Variants in IQSEC3 observed in about 807,000 individuals in gnomAD.
IQSEC3 encodes the protein IQ motif and SEC7 domain-containing protein 3.
Under a neutral mutation model 105.4 loss-of-function variants are expected in IQSEC3, and 50 were observed. The ratio of observed to expected loss-of-function variants is 0.47; its 90% CI spans 0.38 to 0.60. The LOEUF (loss-of-function observed/expected upper bound fraction) is 0.60. Among genes scored for constraint, IQSEC3 ranks in the 20% least tolerant of loss-of-function variants. IQSEC3 has a pLI of 0.00. For synonymous variants in IQSEC3, 708 were observed against 746.0 expected, an observed-to-expected ratio of 0.95 and a Z score of 0.83; for missense variants, 1,415 against 1,630.0, an observed-to-expected ratio of 0.87 and a Z score of 2.27.
In IQSEC3 at chr12:110,630, C is replaced by T. The variant is rs868934554; in HGVS notation, c.623+11416C>T. Among the ~76,000 whole-genome samples the T allele has an allele frequency of 1.6e-4, 25 of 152,130 alleles. 1 individual carries two copies. Among genetic ancestry groups the T allele is most frequent in the Middle Eastern group, 6.8e-3 (2 of 294 alleles). ...GGTCTCTCCCAAATGGTCATGGCTG[C>T]CCTTATAATCATTCCCCTCTCTTCC... is the stretch of plus-strand genomic sequence containing the variant. On this transcript the variant is annotated intron_variant, in intron 2 of 13. Coordinates refer to ENST00000538872, the MANE Select transcript of IQSEC3 (RefSeq NM_001170738.2).
chr12:74,693 T>C lies in IQSEC3; in HGVS notation c.554+7257T>C, dbSNP rs532829694. On this transcript the variant is annotated intron_variant, in intron 1 of 13. Transcript: ENST00000538872. ...CAGACCATTCCCTCTAAGCCACAGCTTCAGGGGCTAGAGGCTTTTAGGAGC... is the reference window on the plus strand; with the variant it reads ...CAGACCATTCCCTCTAAGCCACAGCCTCAGGGGCTAGAGGCTTTTAGGAGC... Among the ~76,000 whole-genome samples the C allele has an allele frequency of 3.4e-4, 52 of 152,368 alleles. No homozygotes were observed. In the South Asian group the frequency reaches 7.2e-3, roughly 21 times the overall value.
At chr12:96,364 T>C (rs1864242921) in intron 1 of IQSEC3, among the ~76,000 whole-genome samples, 1 of 152,174 alleles carries the variant, frequency 6.6e-6, no homozygotes, top group Non-Finnish European at 1.5e-5. Flanking sequence ...AGAGAATAGA[T>C]TATAAGTTTT....
chr12:100,274 G>T (rs1188625367), intron 2 of IQSEC3, among the ~76,000 whole-genome samples: 1 of 152,170 alleles, frequency 6.6e-6, no homozygotes. Flanking sequence ...GGAGAGTAAG[G>T]GTCGGAGGAC....
rs368642069 is a variant in IQSEC3 at position 138,509 on chromosome 12, G to A, written c.1146G>A (p.Val382=). ...EGYGLVGLPL[V]RSPSLPPTFA... is the part of the protein sequence containing the mutation. ...ACGGCCTCGTGGGGCTGCCGCTGGT[G>A]CGCTCGCCCTCCCTGCCGCCCACCT... is the stretch of plus-strand genomic sequence containing the variant. The change falls in exon 4 of 14, where the codon GTG becomes GTA. Residue 382 remains valine (V), a synonymous_variant. Transcript: ENST00000538872. The surrounding 1 kb of genome is among the most constrained non-coding windows in gnomAD (Gnocchi z 7.1). 4.4e-6 allele frequency: 7 copies of A among 1,583,016 alleles called. No individual in the cohort carries two copies. The highest frequency in any genetic ancestry group is 6.0e-6 in the Non-Finnish European group (7 of 1,170,998).
At chr12:173,605 G>A (rs982976251) in intron 13 of IQSEC3, among the ~76,000 whole-genome samples, 1 of 152,208 alleles carries the variant, frequency 6.6e-6, no homozygotes, top group African/African-American at 2.4e-5. Context: ...GAGGACAGAT[G>A]TCAGCCCAAT....
At chr12:128,222 C>T (rs954778768) in intron 3 of IQSEC3, among the ~76,000 whole-genome samples, 4 of 152,194 alleles carry the variant, frequency 2.6e-5, no homozygotes, top group African/African-American at 9.7e-5. Context: ...GTCCCCGTCA[C>T]AGCCCTTCAG....
rs2137041007 is a variant in IQSEC3, at chr12:157,654, C to T, written c.2403C>T (p.Asp801=). ...TGTACAGCCCCAACATCAAGCCTGA[C>T]CGGAAGATGATGCTGGAGGACTTCA... ...TDMYSPNIKP[D]RKMMLEDFIR... is the part of the protein sequence containing the mutation. Residue 801 remains aspartate (D), a synonymous_variant, in exon 7 of 14, where the codon GAC becomes GAT. Coordinates refer to ENST00000538872, the MANE Select transcript of IQSEC3 (RefSeq NM_001170738.2). 2 of 1,613,994 alleles carry T rather than the reference C, an allele frequency of 1.2e-6. No homozygotes were observed. Among genetic ancestry groups the T allele is most frequent in the Non-Finnish European group, 8.5e-7 (1 of 1,179,956 alleles).
At chr12:144,442 A>G (rs1458196596) in intron 5 of IQSEC3, 1 of 152,202 alleles carries the variant, frequency 6.6e-6, no homozygotes, top group Admixed American at 6.5e-5. Context: ...ATAAAAGGAT[A>G]TAAATCACCC....
Position 157,581 on chromosome 12 carries a change from A to T in IQSEC3, c.2330A>T (p.Asp777Val). The T allele has an allele frequency of 6.2e-6, 10 of 1,614,134 alleles. No homozygotes were observed. Among genetic ancestry groups the T allele is most frequent in the Non-Finnish European group, 8.5e-6 (10 of 1,180,006 alleles). The part of the protein sequence containing the change: ...PEVVQQFHNP[D>V]TIFILAFAII... ...GTGGTTCAGCAGTTCCACAACCCCG[A>T]CACCATCTTCATCCTCGCCTTCGCC... Residue 777 changes from aspartate to valine, a missense_variant, in exon 7 of 14, where the codon GAC (aspartate) becomes GTC (valine). Physicochemically the swap from Asp to Val is radical, Grantham distance 152 (BLOSUM62 -3). Transcript: ENST00000538872.
chr12:168,900 A>T, intron 11 of IQSEC3, 113 bp from the exon 12 acceptor site: 1 of 874,918 alleles, frequency 1.1e-6, no homozygotes. Flanking sequence ...CACAGCATGT[A>T]CTGGGACCTC....
At chr12:157,466 G>C (rs1329149423) in intron 6 of IQSEC3, 62 bp from the exon 7 acceptor site, 2 of 1,495,328 alleles carry the variant, frequency 1.3e-6, no homozygotes, top group East Asian at 4.8e-5. Flanking sequence ...CCCTTCCTTT[G>C]TTGGGCCCGG....
Position 174,892 on chromosome 12 carries a change from T to C in IQSEC3, c.3408T>C (p.Gly1136=), listed in dbSNP as rs216230. ...CCTGCGGCTCCACACCCCTGGGCGG[T>C]CCCGGCTCTCCGGTCAAGGTCACCC... ...SDSCGSTPLG[G]PGSPVKVTHQ... Residue 1136 remains glycine (G), a synonymous_variant, in exon 14 of 14, where the codon GGT becomes GGC. Coordinates refer to ENST00000538872, the MANE Select transcript of IQSEC3 (RefSeq NM_001170738.2). The C allele has an allele frequency of 0.95, 1,493,745 of 1,566,034 alleles. 712,841 individuals carry two copies. The highest frequency in any genetic ancestry group is 0.96 in the Non-Finnish European group (1,120,172 of 1,164,552).
At chr12:76,708 G>A in intron 1 of IQSEC3, among the ~76,000 whole-genome samples, 1 of 152,408 alleles carries the variant, frequency 6.6e-6, no homozygotes, top group Non-Finnish European at 1.5e-5. Flanking sequence ...GAAGAAGGCT[G>A]TGTGGAAGGG....
At chr12:130,349 T>C (rs1865547367) in intron 3 of IQSEC3, among the ~76,000 whole-genome samples, 1 of 152,202 alleles carries the variant, frequency 6.6e-6, no homozygotes, top group Admixed American at 6.5e-5. Context: ...TACCGTCCCA[T>C]TTCTGGAATG....
At chr12:110,839 CCT>C (rs1388220071) in intron 2 of IQSEC3, among the ~76,000 whole-genome samples, 1 of 152,172 alleles carries the variant, frequency 6.6e-6, no homozygotes, top group East Asian at 1.9e-4. Context: ...AAACCCAACT[CCT>C]CTCTGTCCCG....
In IQSEC3 at chr12:112,322, G is replaced by C. The variant is rs371779521; in HGVS notation, c.623+13108G>C. 3.4e-4 allele frequency among the ~76,000 whole-genome samples: 52 copies of C among 152,112 alleles called. No homozygotes were observed. The South Asian group carries it at 9.6e-3, about 28-fold the overall frequency. ...GGGGGAAGGGGGATGGTGGGGAAGTGGGGGAGGCCGAGAAGCAGGCATCAG... is the reference window on the plus strand; with the variant it reads ...GGGGGAAGGGGGATGGTGGGGAAGTCGGGGAGGCCGAGAAGCAGGCATCAG... On this transcript the variant is annotated intron_variant, in intron 2 of 13. Transcript: ENST00000538872.
chr12:111,035 C>G (rs920400982), intron 2 of IQSEC3, among the ~76,000 whole-genome samples: 15 of 152,168 alleles, frequency 9.9e-5, no homozygotes, highest in African/African-American at 3.6e-4. Context: ...CTTGCTGCCC[C>G]CCGATCGCCC....
chr12:167,916 T>G (rs1938757465), intron 11 of IQSEC3, among the ~76,000 whole-genome samples: 1 of 152,252 alleles, frequency 6.6e-6, no homozygotes, highest in Non-Finnish European at 1.5e-5. Context: ...ATCAGGCTAA[T>G]TTCTCCAAAG....
chr12:71,063 T>A (rs1293842981), intron 1 of IQSEC3, among the ~76,000 whole-genome samples: 3 of 152,286 alleles, frequency 2.0e-5, no homozygotes, highest in Non-Finnish European at 4.4e-5. Flanking sequence ...TTCTCTACCC[T>A]TATCCTTTAA....
Sources: gnomAD v4.1 joint callset for allele counts (sites outside exome capture counted in the v4.1 genomes callset) on GRCh38, gnomAD v4.1.1 for gene constraint, Gnocchi (gnomAD v3.1) non-coding constraint, MANE v1.5 for transcripts, NCBI Gene and HGNC (gene_info 2026-07-23, HGNC 2026-07-21) for gene names.